Variants in CHRNA5 observed in about 807,000 individuals in gnomAD.
The protein encoded by CHRNA5 is neuronal acetylcholine receptor subunit alpha-5.
In CHRNA5, 28 loss-of-function variants were observed where a neutral mutation model predicts 41.2. The ratio of observed to expected loss-of-function variants is 0.68; its 90% CI spans 0.50 to 0.93. The LOEUF (loss-of-function observed/expected upper bound fraction) is 0.93, where lower values mean the gene tolerates loss of function less well. Among genes scored for constraint, CHRNA5 ranks in the 40% least tolerant of loss-of-function variants. CHRNA5 has a pLI of 0.00. For missense variants in CHRNA5, 481 were observed against 581.9 expected, an observed-to-expected ratio of 0.83 and a Z score of 1.78; for synonymous variants, 188 against 205.8, an observed-to-expected ratio of 0.91 and a Z score of 0.74.
chr15:78,580,855 C>T (rs1395837475), exon 2 of CHRNA5: 1 of 1,613,296 alleles, frequency 6.2e-7, no homozygotes, highest in East Asian at 2.2e-5. Flanking sequence ...AGATAGTTTG[C>T]TTAAGGATTT....
At chr15:78,569,009 C>T (rs7165657) in intron 1 of CHRNA5, among the ~76,000 whole-genome samples, 1 of 152,110 alleles carries the variant, frequency 6.6e-6, no homozygotes, top group African/African-American at 2.4e-5. Context: ...TACACACATA[C>T]TGACTGTCAG....
chr15:78,586,587 A>T, intron 2 of CHRNA5, 58 bp from the exon 3 acceptor site: 1 of 1,011,168 alleles, frequency 9.9e-7, no homozygotes, highest in Non-Finnish European at 1.5e-6. Context: ...TTTATTATTT[A>T]AAGAATTATT....
At chr15:78,565,696 G>A in exon 1 of CHRNA5, 1 of 1,049,370 alleles carries the variant, frequency 9.5e-7, no homozygotes, top group Non-Finnish European at 1.2e-6. Flanking sequence ...GCGGCTGCCC[G>A]CGGTCCCGCG....
At chr15:78,577,662 G>C (rs2052871017) in intron 1 of CHRNA5, among the ~76,000 whole-genome samples, 1 of 152,140 alleles carries the variant, frequency 6.6e-6, no homozygotes, top group African/African-American at 2.4e-5. Flanking sequence ...GCTGGGTGCA[G>C]TGACTCACAC....
chr15:78,580,703 C>A (rs2052904141), intron 1 of CHRNA5, 108 bp from the exon 2 acceptor site: 1 of 838,324 alleles, frequency 1.2e-6, no homozygotes, highest in African/African-American at 1.7e-5. Context: ...GTGGCCCGAT[C>A]TTGGCTCACT....
intron 2 of CHRNA5, 50 bp from the exon 3 acceptor site, chr15:78,586,595 A>C (rs1361934841): frequency 3.7e-6 from 4 of 1,067,710 alleles, no homozygotes; most frequent in Non-Finnish European, 5.7e-6. Flanking sequence ...TTAAAGAATT[A>C]TTGTTTCTGT....
chr15:78,584,583 G>T (rs1220499732), intron 2 of CHRNA5, among the ~76,000 whole-genome samples: 1 of 152,192 alleles, frequency 6.6e-6, no homozygotes, highest in African/African-American at 2.4e-5. Flanking sequence ...TGAACTTATG[G>T]ATTATTCTTT....
chr15:78,586,065 A>G (rs2052958634), intron 2 of CHRNA5, among the ~76,000 whole-genome samples: 1 of 151,998 alleles, frequency 6.6e-6, no homozygotes, highest in Non-Finnish European at 1.5e-5. Flanking sequence ...AAGTGTTGGT[A>G]TTATAGGCAT....
chr15:78,587,557 A>G (rs1048564917), intron 3 of CHRNA5, among the ~76,000 whole-genome samples: 15 of 152,112 alleles, frequency 9.9e-5, no homozygotes, highest in Non-Finnish European at 1.8e-4. Flanking sequence ...GAGGGGGTGT[A>G]GGAGATGGCA....
chr15:78,566,849 A>T (rs903984094), intron 1 of CHRNA5, among the ~76,000 whole-genome samples: 7 of 152,222 alleles, frequency 4.6e-5, no homozygotes, highest in Non-Finnish European at 7.3e-5. Context: ...GGGCAGAGAG[A>T]GTTAAACAGA....
chr15:78,580,277 C>T (rs1410799509), intron 1 of CHRNA5, among the ~76,000 whole-genome samples: 1 of 45,290 alleles, frequency 2.2e-5, no homozygotes, highest in Non-Finnish European at 3.1e-5. Flanking sequence ...AGGACTCCGT[C>T]TCAAAAAAAA....
At chr15:78,591,631 C>T (rs906511955) in intron 5 of CHRNA5, among the ~76,000 whole-genome samples, 14 of 152,112 alleles carry the variant, frequency 9.2e-5, no homozygotes, top group African/African-American at 3.1e-4. Flanking sequence ...CCAAAAGGGA[C>T]ATTTGATGTA....
chr15:78,593,684 TACTGC>T (rs1210652919), exon 6 of CHRNA5: 2 of 152,786 alleles, frequency 1.3e-5, no homozygotes, highest in Admixed American at 6.5e-5. Flanking sequence ...TATAATATTA[TACTGC>T]TATATTTAAA....
chr15:78,568,258 AATTAAAGTATAATAT>A (rs1404113368), intron 1 of CHRNA5, among the ~76,000 whole-genome samples: 2 of 152,134 alleles, frequency 1.3e-5, no homozygotes, highest in African/African-American at 2.4e-5. Flanking sequence ...CTCAGGAGAC[AATTAAAGTATAATAT>A]ATTAAAGTAT....
intron 1 of CHRNA5, among the ~76,000 whole-genome samples, chr15:78,573,551 G>T (rs6495306): frequency 6.6e-6 from 1 of 152,026 alleles, no homozygotes; most frequent in South Asian, 2.1e-4. Context: ...AAGATATCAC[G>T]TTAGGCTCTA....
At chr15:78,586,561 A>G (rs935110324) in intron 2 of CHRNA5, 84 bp from the exon 3 acceptor site, 1 of 820,664 alleles carries the variant, frequency 1.2e-6, no homozygotes, top group Non-Finnish European at 2.0e-6. Context: ...AAGAGTGTTT[A>G]TATAACAATG....
At position 78,589,931 on chromosome 15, in the gene CHRNA5, C is replaced by A. The variant is rs1383366253; in HGVS notation, c.540C>A (p.Asp180Glu). 9 of 1,614,028 alleles carry A rather than the reference C, an allele frequency of 5.6e-6. 1 individual carries two copies. Among genetic ancestry groups the A allele is most frequent in the Admixed American group, 1.7e-5 (1 of 59,992 alleles). ...TAGATGTCACGTTTTTCCCATTTGA[C>A]CTTCAGAACTGTTCCATGAAATTTG... The change falls in exon 5 of 6, where the codon GAC becomes GAA. Residue 180 changes from aspartate (D) to glutamate (E), a missense_variant. Coordinates refer to ENST00000299565, the Ensembl canonical transcript of CHRNA5.
At chr15:78,584,677 A>G (rs1232863293) in intron 2 of CHRNA5, among the ~76,000 whole-genome samples, 4 of 152,252 alleles carry the variant, frequency 2.6e-5, no homozygotes, top group African/African-American at 9.6e-5. Context: ...GGAAAGGCCC[A>G]TAAGTTTCAT....
Position 78,574,348 on chromosome 15 carries a change from C to T in CHRNA5, c.107-6463C>T, listed in dbSNP as rs1488844184. ...TGAGCCGAGATCGCACCAATGCACT[C>T]CAGCCTGGCCAACAGGAGCTAAACG... is the stretch of plus-strand genomic sequence containing the variant. On this transcript the variant is annotated intron_variant, in intron 1 of 5. Transcript: ENST00000299565. 2.7e-5 allele frequency among the ~76,000 whole-genome samples: 4 copies of T among 148,066 alleles called. No homozygotes were observed. The East Asian group carries it at 6.2e-4, about 23-fold the overall frequency.
Sources: allele counts gnomAD v4.1 joint callset (sites outside exome capture counted in the v4.1 genomes callset), GRCh38; gene constraint gnomAD v4.1.1; transcripts MANE v1.5; gene names NCBI Gene and HGNC (gene_info 2026-07-23, HGNC 2026-07-21).